The following STAB2 variants were observed in gnomAD, a reference collection of about 807,000 sequenced individuals.
The protein encoded by STAB2 is stabilin 2, also known as stabilin-2.
Under a neutral mutation model 338.1 loss-of-function variants are expected in STAB2, and 288 were observed. That is an observed-to-expected ratio of 0.85 (90% CI 0.77 to 0.94). The LOEUF is 0.94. Ranked by LOEUF, STAB2 falls within the 40% of genes least tolerant of loss-of-function variation. STAB2 has a pLI of 0.00. For missense variants in STAB2, 3,141 were observed against 3,210.1 expected (o/e 0.98, Z 0.52); for synonymous variants, 1,202 against 1,193.3 (o/e 1.01, Z -0.15).
chr12:103,662,079 C>T (rs1874672682), intron 17 of STAB2, among the ~76,000 whole-genome samples: 1 of 152,068 alleles, frequency 6.6e-6, no homozygotes, highest in Non-Finnish European at 1.5e-5. Context: ...TAACTCAGAC[C>T]AGGGTGGTAG....
intron 23 of STAB2, among the ~76,000 whole-genome samples, chr12:103,675,332 A>G (rs1441116836): frequency 3.9e-5 from 6 of 152,220 alleles, no homozygotes; most frequent in Admixed American, 3.9e-4. Flanking sequence ...AAACCAAGTC[A>G]GCTCACAGAA....
intron 31 of STAB2, 76 bp from the exon 32 acceptor site, chr12:103,695,474 T>C (rs1490909404): frequency 7.9e-6 from 11 of 1,385,188 alleles, no homozygotes; most frequent in Middle Eastern, 1.9e-4. Context: ...TTAATGGCAT[T>C]AGACTCTCCT....
intron 60 of STAB2, among the ~76,000 whole-genome samples, 157 bp downstream of exon 60, chr12:103,750,877 G>A (rs909478176): frequency 1.3e-5 from 2 of 152,240 alleles, no homozygotes; most frequent in Non-Finnish European, 2.9e-5. Context: ...GATCACTTGA[G>A]GTCAGGAGTT....
Position 103,747,404 on chromosome 12 carries a change from T to TG in STAB2, c.6244+705dup, listed in dbSNP as rs1331495720. On this transcript the variant is annotated intron_variant, in intron 58 of 68. Coordinates refer to ENST00000388887, the MANE Select transcript of STAB2 (RefSeq NM_017564.10). The stretch of plus-strand genomic sequence containing the variant: ...ACAGTTTCACTCTGAAAGCTCATTT[T>TG]GGGGGCTGAACTCCTTTTCTGAACT... Among the ~76,000 whole-genome samples the TG allele has an allele frequency of 9.8e-5, 15 of 152,324 alleles. No individual in the cohort carries two copies. The East Asian group carries it at 2.9e-3, about 29-fold the overall frequency.
At chr12:103,587,764 G>A (rs187115583) in intron 1 of STAB2, among the ~76,000 whole-genome samples, 284 of 152,272 alleles carry the variant, frequency 1.9e-3, no homozygotes, top group African/African-American at 6.4e-3. Flanking sequence ...GTACTGAAGC[G>A]CCCCGCTGCT....
chr12:103,755,511 C>A (rs1224443331), intron 62 of STAB2, 44 bp downstream of exon 62: 1 of 1,609,538 alleles, frequency 6.2e-7, no homozygotes, highest in Non-Finnish European at 8.5e-7. Context: ...CACACAGCTG[C>A]TGAGCAATCC....
intron 25 of STAB2, 122 bp from the exon 26 acceptor site, chr12:103,683,083 T>C (rs1877071922): frequency 1.4e-6 from 1 of 708,508 alleles, no homozygotes; most frequent in Non-Finnish European, 2.3e-6. Context: ...GCATTAACAC[T>C]GTTCTCTGGG....
intron 27 of STAB2, among the ~76,000 whole-genome samples, chr12:103,685,445 T>TGTGTGTGTGTGC (rs1277070669): frequency 6.7e-4 from 98 of 145,840 alleles, no homozygotes; most frequent in African/African-American, 2.5e-3. Flanking sequence ...TGTGTGTGTG[T>TGTGTGTGTGTGC]GTGTGTGTGC....
Position 103,758,234 on chromosome 12 carries a change from T to C in STAB2, c.7052T>C (p.Leu2351Pro). ...GCATTTCTAGAACACCTGACTGACC[T>C]GTCCATCCGCGGCACCCTCTTTGTG... ...GRAFLEHLTD[L>P]SIRGTLFVPQ... The change falls in exon 64 of 69, where the codon CTG (leucine) becomes CCG (proline). Residue 2351 changes from leucine to proline, a missense_variant. By Grantham distance (98) the Leu-to-Pro change is moderately conservative (BLOSUM62 -3). Coordinates refer to ENST00000388887, the MANE Select transcript of STAB2 (RefSeq NM_017564.10). The C allele has an allele frequency of 1.2e-6, 2 of 1,614,122 alleles. No homozygotes were observed. The highest frequency in any genetic ancestry group is 1.3e-5 in the African/African-American group (1 of 75,050).
chr12:103,689,590 T>A (rs1272133573), intron 28 of STAB2, among the ~76,000 whole-genome samples: 2 of 152,076 alleles, frequency 1.3e-5, no homozygotes, highest in Admixed American at 6.5e-5. Flanking sequence ...GACTAAAGTG[T>A]AAAGGACTTA....
chr12:103,596,794 A>G (rs1956881849), intron 3 of STAB2, among the ~76,000 whole-genome samples: 1 of 152,004 alleles, frequency 6.6e-6, no homozygotes. Context: ...ATCTACAACC[A>G]AAAGAGTCCA....
intron 39 of STAB2, among the ~76,000 whole-genome samples, chr12:103,710,988 CCT>C (rs1354254760): frequency 6.6e-6 from 1 of 152,120 alleles, no homozygotes; most frequent in Admixed American, 6.5e-5. Flanking sequence ...TGTGCAAAGC[CCT>C]GATTTTCTGC....
chr12:103,761,768 C>T (rs1884558651), intron 66 of STAB2, among the ~76,000 whole-genome samples: 1 of 152,192 alleles, frequency 6.6e-6, no homozygotes, highest in Non-Finnish European at 1.5e-5. Context: ...AAATGGGGCT[C>T]ATAATGCCTC....
chr12:103,735,908 A>T (rs964340021), intron 52 of STAB2, among the ~76,000 whole-genome samples: 2 of 152,074 alleles, frequency 1.3e-5, no homozygotes, highest in African/African-American at 4.8e-5. Context: ...GTATACAGTC[A>T]TTCCTTTCTC....
At chr12:103,680,769 G>A (rs1320210082) in intron 25 of STAB2, among the ~76,000 whole-genome samples, 3 of 152,258 alleles carry the variant, frequency 2.0e-5, no homozygotes, top group Non-Finnish European at 4.4e-5. Context: ...TGGACTAGGA[G>A]AGGGGGAGTG....
rs575921322 is a variant in STAB2, at chr12:103,764,885, G to A, written c.7605+1277G>A. On this transcript the variant is annotated intron_variant, in intron 68 of 68. Coordinates refer to ENST00000388887, the MANE Select transcript of STAB2 (RefSeq NM_017564.10). ...GGCCAAGGCAGGTGGATCACCTGAG[G>A]TCAAGAGTTCAAGACCAGCCTGGCC... Among the ~76,000 whole-genome samples the A allele has an allele frequency of 1.4e-4, 21 of 152,066 alleles. No homozygotes were observed. The East Asian group carries it at 3.9e-3, about 28-fold the overall frequency.
intron 16 of STAB2, 32 bp from the exon 17 acceptor site, chr12:103,660,651 T>C (rs1485032168): frequency 6.2e-7 from 1 of 1,612,164 alleles, no homozygotes; most frequent in South Asian, 1.1e-5. Flanking sequence ...TGGTCCCAAA[T>C]ATCTCTGCCT....
intron 6 of STAB2, among the ~76,000 whole-genome samples, chr12:103,632,442 T>A (rs1957478224): frequency 1.3e-5 from 2 of 152,130 alleles, no homozygotes; most frequent in South Asian, 2.1e-4. Context: ...TGCTGTTTTA[T>A]CCAGGCCAGC....
chr12:103,710,287 C>T (rs1879729996), intron 39 of STAB2, among the ~76,000 whole-genome samples: 2 of 152,284 alleles, frequency 1.3e-5, no homozygotes, highest in Non-Finnish European at 2.9e-5. Flanking sequence ...CCAGACTTAT[C>T]TCCCATCCCT....
Sources: allele counts gnomAD v4.1 joint callset (sites outside exome capture counted in the v4.1 genomes callset), GRCh38; gene constraint gnomAD v4.1.1; transcripts MANE v1.5; gene names NCBI Gene and HGNC (gene_info 2026-07-23, HGNC 2026-07-21).